The following LRRC4C variants were observed in gnomAD, a reference collection of about 807,000 sequenced individuals.
LRRC4C encodes leucine-rich repeat-containing protein 4C.
A neutral mutation model predicts 33.6 loss-of-function variants in LRRC4C; 5 were observed. The ratio of observed to expected loss-of-function variants is 0.15; its 90% CI spans 0.08 to 0.31. The LOEUF (loss-of-function observed/expected upper bound fraction) is 0.31. Ranked by LOEUF, LRRC4C falls within the 10% of genes least tolerant of loss-of-function variation. LRRC4C has a pLI of 1.00. For synonymous variants in LRRC4C, 329 were observed against 302.0 expected (o/e 1.09, Z -0.93); for missense variants, 560 against 796.7 (o/e 0.70, Z 3.58).
intron 1 of LRRC4C, among the ~76,000 whole-genome samples, chr11:41,082,395 C>A (rs1939642029): frequency 6.7e-6 from 1 of 149,186 alleles, no homozygotes; most frequent in Admixed American, 6.7e-5. Context: ...ATAGCAGTGA[C>A]TGGCAATCTA....
chr11:40,486,440 A>C (rs1220957818), intron 3 of LRRC4C, among the ~76,000 whole-genome samples: 1 of 152,070 alleles, frequency 6.6e-6, no homozygotes, highest in African/African-American at 2.4e-5. Context: ...AAATTATTGT[A>C]GGTTAAAAAA....
At chr11:41,365,305 C>G (rs1565614933) in intron 1 of LRRC4C, among the ~76,000 whole-genome samples, 1 of 151,728 alleles carries the variant, frequency 6.6e-6, no homozygotes, top group Non-Finnish European at 1.5e-5. Context: ...CCCAACACCC[C>G]CAGATGGGAC....
chr11:40,990,815 T>C (rs1330066158), intron 1 of LRRC4C, among the ~76,000 whole-genome samples: 1 of 152,172 alleles, frequency 6.6e-6, no homozygotes, highest in Non-Finnish European at 1.5e-5. Flanking sequence ...AAATGTCAAT[T>C]TGATTAAAGT....
At chr11:41,279,424 ACACACCG>A (rs1949593007) in intron 1 of LRRC4C, among the ~76,000 whole-genome samples, 1 of 128,628 alleles carries the variant, frequency 7.8e-6, no homozygotes, top group African/African-American at 2.9e-5. Context: ...ACACACACAC[ACACACCG>A]TGGCAATCAC....
chr11:40,947,624 C>T (rs1958464414), intron 1 of LRRC4C, among the ~76,000 whole-genome samples: 1 of 152,092 alleles, frequency 6.6e-6, no homozygotes, highest in South Asian at 2.1e-4. Flanking sequence ...CTCAGGCATT[C>T]TCACAGGTCA....
Position 40,860,178 on chromosome 11 carries a change from T to C in LRRC4C, c.-407+73457A>G, listed in dbSNP as rs368973181. 1.6e-4 allele frequency among the ~76,000 whole-genome samples: 25 copies of C among 151,788 alleles called. No homozygotes were observed. In the South Asian group the frequency reaches 4.6e-3, roughly 28 times the overall value. ...AATGAAAGAGGTCAAACACAGAGGG[T>C]CACACATTGTGTAGTTCCATTTGTA... On this transcript the variant is annotated intron_variant, in intron 2 of 6. Transcript: ENST00000528697.
chr11:40,556,906 G>T (rs1957354820), intron 3 of LRRC4C, among the ~76,000 whole-genome samples: 1 of 152,126 alleles, frequency 6.6e-6, no homozygotes, highest in South Asian at 2.1e-4. Flanking sequence ...AAATAGATCA[G>T]AGTTTGAAGC....
intron 3 of LRRC4C, among the ~76,000 whole-genome samples, chr11:40,570,848 T>C (rs529939451): frequency 6.6e-6 from 1 of 152,150 alleles, no homozygotes; most frequent in Non-Finnish European, 1.5e-5. Flanking sequence ...AAAAAGCATG[T>C]AATCAAATAT....
chr11:40,440,938 AT>A (rs574027583), intron 3 of LRRC4C, among the ~76,000 whole-genome samples: 1 of 151,536 alleles, frequency 6.6e-6, no homozygotes, highest in Non-Finnish European at 1.5e-5. Context: ...GAACAAGGCT[AT>A]TTTTTTGACT....
chr11:40,960,932 GC>G (rs1446019351), intron 1 of LRRC4C, among the ~76,000 whole-genome samples: 1 of 151,656 alleles, frequency 6.6e-6, no homozygotes, highest in East Asian at 1.9e-4. Context: ...TTTGCTTATT[GC>G]TTTTTATTTT....
chr11:40,232,131 C>A (rs944853827), intron 5 of LRRC4C, among the ~76,000 whole-genome samples: 20 of 152,130 alleles, frequency 1.3e-4, no homozygotes, highest in Non-Finnish European at 2.5e-4. Context: ...CTCAACCTCC[C>A]AAGTAGCCGA....
At chr11:40,448,017 A>C (rs1045587828) in intron 3 of LRRC4C, among the ~76,000 whole-genome samples, 17 of 152,116 alleles carry the variant, frequency 1.1e-4, no homozygotes, top group African/African-American at 4.1e-4. Context: ...GGGTTTCACC[A>C]TGTTGGCCAA....
intron 6 of LRRC4C, among the ~76,000 whole-genome samples, chr11:40,116,911 A>T (rs1461920363): frequency 6.6e-6 from 1 of 152,228 alleles, no homozygotes; most frequent in East Asian, 1.9e-4. Context: ...ATCAGTAACA[A>T]AAGACCACTA....
intron 3 of LRRC4C, among the ~76,000 whole-genome samples, chr11:40,380,026 CAG>C (rs1377327161): frequency 3.3e-5 from 5 of 152,136 alleles, no homozygotes; most frequent in Non-Finnish European, 7.3e-5. Flanking sequence ...AGACGTCTCA[CAG>C]AGTTTATGAA....
intron 2 of LRRC4C, among the ~76,000 whole-genome samples, chr11:40,653,169 G>C (rs1942907448): frequency 6.6e-6 from 1 of 152,174 alleles, no homozygotes; most frequent in South Asian, 2.1e-4. Context: ...GTTGGTACCA[G>C]GAGTTCGGTG....
intron 1 of LRRC4C, among the ~76,000 whole-genome samples, chr11:41,051,912 T>C (rs1858258517): frequency 1.3e-5 from 2 of 152,204 alleles, no homozygotes; most frequent in Admixed American, 6.5e-5. Flanking sequence ...AAGATTATCA[T>C]ATATTAATTA....
At chr11:40,413,544 A>G (rs1280288403) in intron 3 of LRRC4C, among the ~76,000 whole-genome samples, 1 of 152,146 alleles carries the variant, frequency 6.6e-6, no homozygotes, top group African/African-American at 2.4e-5. Context: ...TTCTCATGGC[A>G]TGTTAGCTAA....
At chr11:40,196,510 C>T (rs1307314002) in intron 5 of LRRC4C, among the ~76,000 whole-genome samples, 2 of 152,194 alleles carry the variant, frequency 1.3e-5, no homozygotes, top group Admixed American at 6.5e-5. Flanking sequence ...TACCTTGGAA[C>T]ATTTTCCCAC....
At chr11:40,438,395 T>C (rs1416627754) in intron 3 of LRRC4C, among the ~76,000 whole-genome samples, 3 of 152,208 alleles carry the variant, frequency 2.0e-5, no homozygotes, top group Non-Finnish European at 4.4e-5. Context: ...CCAAATTATT[T>C]TATCACCTTG....
Sources: gnomAD v4.1 joint callset for allele counts (sites outside exome capture counted in the v4.1 genomes callset) on GRCh38, gnomAD v4.1.1 for gene constraint, MANE v1.5 for transcripts, NCBI Gene and HGNC (gene_info 2026-07-23, HGNC 2026-07-21) for gene names.